UFSP2: variants seen among roughly 807,000 people sequenced by gnomAD.
UFSP2 encodes UFM1 specific peptidase 2.
Under a neutral mutation model 60.2 loss-of-function variants are expected in UFSP2, and 43 were observed. The observed-to-expected ratio is 0.71, with a 90% confidence interval of 0.56 to 0.92. The LOEUF (loss-of-function observed/expected upper bound fraction) is 0.92, where lower values mean the gene tolerates loss of function less well. Among genes scored for constraint, UFSP2 ranks in the 40% least tolerant of loss-of-function variants. The pLI, the probability that UFSP2 is intolerant of heterozygous loss-of-function variation, is 0.00. For missense variants in UFSP2, 520 were observed against 575.0 expected, an observed-to-expected ratio of 0.90 and a Z score of 0.98; for synonymous variants, 183 against 195.1, an observed-to-expected ratio of 0.94 and a Z score of 0.52.
chr4:185,408,183 C>T, intron 8 of UFSP2, 88 bp downstream of exon 8: 1 of 1,539,124 alleles, frequency 6.5e-7, no homozygotes, highest in South Asian at 1.2e-5. Flanking sequence ...AATAAGTCTG[C>T]ACCATGAGGT....
intron 1 of UFSP2, among the ~76,000 whole-genome samples, chr4:185,424,628 C>T (rs1369937847): frequency 1.3e-5 from 2 of 152,114 alleles, no homozygotes; most frequent in African/African-American, 4.8e-5. Context: ...ATGGAAACCA[C>T]TTAAATAGCT....
chr4:185,407,296 C>T (rs1053596779), intron 9 of UFSP2, among the ~76,000 whole-genome samples: 4 of 151,882 alleles, frequency 2.6e-5, no homozygotes, highest in African/African-American at 9.7e-5. Flanking sequence ...TCAGGGGATC[C>T]ACCCACCTCG....
intron 2 of UFSP2, among the ~76,000 whole-genome samples, chr4:185,421,501 TA>T (rs1350787934): frequency 6.6e-6 from 1 of 152,176 alleles, no homozygotes; most frequent in African/African-American, 2.4e-5. Flanking sequence ...GCTGATTCTT[TA>T]AAAGAGCCTG....
intron 7 of UFSP2, among the ~76,000 whole-genome samples, chr4:185,410,308 T>C (rs2095527017): frequency 6.6e-6 from 1 of 152,150 alleles, no homozygotes; most frequent in Admixed American, 6.5e-5. Flanking sequence ...ACCTATAAGA[T>C]ACACTAAAAG....
In UFSP2 at chr4:185,399,782, C is replaced by T; in HGVS notation, c.*610G>A. ...GGGAAAAGGAAGTGCTGGTAAGTAA[C>T]TCAGAGCTGCTGCTTTTTTCCTCCC... On this transcript the variant is annotated 3_prime_UTR_variant, in exon 12 of 12. Coordinates refer to ENST00000264689, the MANE Select transcript of UFSP2 (RefSeq NM_018359.5). 1 of 1,613,698 alleles carries T rather than the reference C, an allele frequency of 6.2e-7. No individual in the cohort carries two copies. Among genetic ancestry groups the T allele is most frequent in the African/African-American group, 1.3e-5 (1 of 75,028 alleles).
intron 10 of UFSP2, among the ~76,000 whole-genome samples, chr4:185,405,002 C>CTTTTTTTTTTTTTTTTTTTTTT (rs70962563): frequency 1.4e-5 from 2 of 138,196 alleles, no homozygotes; most frequent in Non-Finnish European, 3.1e-5. Flanking sequence ...ACCTCCATTT[C>CTTTTTTTTTTTTTTTTTTTTTT]TTTTTTTTTT....
In UFSP2 at chr4:185,399,977, TAA is replaced by T. The variant is rs750447443; in HGVS notation, c.*413_*414del. The T allele has an allele frequency of 1.9e-6, 3 of 1,594,706 alleles. No homozygotes were observed. The highest frequency in any genetic ancestry group is 2.6e-6 in the Non-Finnish European group (3 of 1,174,458). On this transcript the variant is annotated 3_prime_UTR_variant, in exon 12 of 12. Transcript: ENST00000264689. ...GGAAGTTTGGGGATAAAACTCTTTTTAAAAAAAAGTTTTTAATGTTAACGTGT... is the reference window on the plus strand; with the variant it reads ...GGAAGTTTGGGGATAAAACTCTTTTTAAAAAAGTTTTTAATGTTAACGTGT...
intron 6 of UFSP2, among the ~76,000 whole-genome samples, chr4:185,414,347 A>T (rs2095534637): frequency 1.3e-5 from 2 of 152,242 alleles, no homozygotes; most frequent in East Asian, 1.9e-4. Context: ...TCTAAAGCCA[A>T]CCAATATGGC....
At chr4:185,422,359 GTACT>G in intron 2 of UFSP2, 122 bp downstream of exon 2, 1 of 731,348 alleles carries the variant, frequency 1.4e-6, no homozygotes, top group Non-Finnish European at 2.3e-6. Context: ...CCCATTTAAT[GTACT>G]TACTAACAAT....
At chr4:185,403,359 C>A (rs867708911) in intron 11 of UFSP2, 135 bp downstream of exon 11, 6 of 1,143,354 alleles carry the variant, frequency 5.2e-6, no homozygotes, top group Middle Eastern at 4.1e-4. Flanking sequence ...CGGCTACTTA[C>A]AACAGCCTCA....
chr4:185,416,547 A>G (rs2095539028), intron 4 of UFSP2, among the ~76,000 whole-genome samples: 1 of 152,192 alleles, frequency 6.6e-6, no homozygotes, highest in African/African-American at 2.4e-5. Flanking sequence ...CAAGCACTCT[A>G]GGGTTGAAGT....
Position 185,408,076 on chromosome 4 carries a change from AAT to A in UFSP2, c.997-18_997-17del. 1 of 1,611,258 alleles carries A rather than the reference AAT, an allele frequency of 6.2e-7. No individual in the cohort carries two copies. Among genetic ancestry groups the A allele is most frequent in the Non-Finnish European group, 8.5e-7 (1 of 1,177,692 alleles). ...CGACTAGAGCCTTGATGTATTTAAA[AAT>A]ATAAAACATCCATACACAAGACAGC... On this transcript the variant is annotated splice_polypyrimidine_tract_variant and intron_variant, in intron 8 of 11. Transcript: ENST00000264689.
Position 185,405,837 on chromosome 4 carries a change from A to T in UFSP2, c.1141T>A (p.Ser381Thr). The part of the protein sequence containing the change: ...LFVSQGSEIA[S>T]QGRELANHFQ... The stretch of plus-strand genomic sequence containing the variant: ...TGATTAGCCAGTTCCCGTCCTTGAG[A>T]GGCAATTTCTGAACCTTGGCTAGAA... The change falls in exon 10 of 12, where the codon TCT becomes ACT. Residue 381 changes from serine to threonine, a missense_variant. Transcript: ENST00000264689. The T allele has an allele frequency of 6.2e-7, 1 of 1,614,104 alleles. No individual in the cohort carries two copies. Among genetic ancestry groups the T allele is most frequent in the Non-Finnish European group, 8.5e-7 (1 of 1,179,990 alleles).
intron 5 of UFSP2, 120 bp from the exon 6 acceptor site, chr4:185,415,467 GAA>G: frequency 1.1e-6 from 1 of 910,436 alleles, no homozygotes; most frequent in Non-Finnish European, 1.6e-6. Flanking sequence ...TTTGCTAAAG[GAA>G]GTCTGAATTA....
intron 5 of UFSP2, 57 bp downstream of exon 5, chr4:185,415,653 T>C: frequency 6.8e-7 from 1 of 1,461,142 alleles, no homozygotes. Flanking sequence ...TATACAAACA[T>C]GGGTTTGGGG....
At chr4:185,417,976 G>A (rs906038614) in intron 4 of UFSP2, among the ~76,000 whole-genome samples, 1 of 150,806 alleles carries the variant, frequency 6.6e-6, no homozygotes. Context: ...CCCGGGAGGC[G>A]GAAGTTGCAG....
rs760932642 is a variant in UFSP2, at chr4:185,415,159, C to G, written c.680G>C (p.Arg227Thr). Residue 227 changes from arginine to threonine, a missense_variant, in exon 6 of 12, where the codon AGG (arginine) becomes ACG (threonine). Transcript: ENST00000264689. ...GAATAGATGAACTGGTTTTACCTTCCTATAGGCCTGCAGCTGGCCATCTGG... is the reference window on the plus strand; with the variant it reads ...GAATAGATGAACTGGTTTTACCTTCGTATAGGCCTGCAGCTGGCCATCTGG... ...GIPDGQLQAYRKELHDLFNLP... is the reference protein window; with the variant it reads ...GIPDGQLQAYTKELHDLFNLP... 6.3e-7 allele frequency: 1 copy of G among 1,590,700 alleles called. No individual in the cohort carries two copies. Among genetic ancestry groups the G allele is most frequent in the Non-Finnish European group, 8.5e-7 (1 of 1,174,248 alleles).
In UFSP2 at chr4:185,399,653, T is replaced by C. The variant is rs769485507; in HGVS notation, c.*739A>G. The C allele has an allele frequency of 6.2e-7, 1 of 1,614,182 alleles. No individual in the cohort carries two copies. On this transcript the variant is annotated 3_prime_UTR_variant, in exon 12 of 12. Coordinates refer to ENST00000264689, the MANE Select transcript of UFSP2 (RefSeq NM_018359.5). ...GACTGTGCCAAGTTTCTTACAACAA[T>C]TAAATGTATGCAGACAATAAAAGCA...
At chr4:185,423,266 G>A (rs1351726545) in intron 1 of UFSP2, among the ~76,000 whole-genome samples, 1 of 152,184 alleles carries the variant, frequency 6.6e-6, no homozygotes, top group African/African-American at 2.4e-5. Flanking sequence ...AATCTTGACA[G>A]GTTTAACAAT....
Sources: allele counts gnomAD v4.1 joint callset (sites outside exome capture counted in the v4.1 genomes callset), GRCh38; gene constraint gnomAD v4.1.1; transcripts MANE v1.5; gene names NCBI Gene and HGNC (gene_info 2026-07-23, HGNC 2026-07-21).